The following POC1A variants were observed in gnomAD, a reference collection of about 807,000 sequenced individuals.
POC1A encodes the protein POC1 centriolar protein homolog A.
In POC1A, 34 loss-of-function variants were observed where a neutral mutation model predicts 47.8. That is an observed-to-expected ratio of 0.71 (90% CI 0.54 to 0.95). The LOEUF is 0.95. Ranked by LOEUF, POC1A falls within the 40% of genes least tolerant of loss-of-function variation. POC1A has a pLI of 0.00. For missense variants in POC1A, 466 were observed against 528.3 expected (o/e 0.88, Z 1.16); for synonymous variants, 177 against 207.6 (o/e 0.85, Z 1.27).
Position 52,149,321 on chromosome 3 carries a change from C to T in POC1A, c.344G>A (p.Gly115Asp). ...TVRSVHFCSD[G>D]QSFVTASDDK... ...GTCAGAGGCTGTCACGAAGGACTGGCCATCACTGCAGAAGTGGACACTCCT... is the reference window on the plus strand; with the variant it reads ...GTCAGAGGCTGTCACGAAGGACTGGTCATCACTGCAGAAGTGGACACTCCT... Residue 115 changes from glycine (G) to aspartate (D), a missense_variant, in exon 4 of 11, where the codon GGC (glycine) becomes GAC (aspartate). Gly to Asp is a moderately conservative substitution (Grantham distance 94). Coordinates refer to ENST00000296484, the MANE Select transcript of POC1A (RefSeq NM_015426.5). 1 of 1,614,122 alleles carries T rather than the reference C, an allele frequency of 6.2e-7. No individual in the cohort carries two copies. Among genetic ancestry groups the T allele is most frequent in the Non-Finnish European group, 8.5e-7 (1 of 1,179,994 alleles).
intron 7 of POC1A, 95 bp from the exon 8 acceptor site, chr3:52,125,276 G>T: frequency 4.7e-6 from 5 of 1,055,344 alleles, no homozygotes; most frequent in Non-Finnish European, 7.2e-6. Flanking sequence ...GAAAGCAGCA[G>T]CAGGATAAAG....
intron 9 of POC1A, among the ~76,000 whole-genome samples, chr3:52,108,898 C>G (rs1182837715): frequency 6.6e-6 from 1 of 152,238 alleles, no homozygotes; most frequent in African/African-American, 2.4e-5. Context: ...CCAGTGCCCC[C>G]CAGCGGATGC....
In POC1A at chr3:52,154,384, C is replaced by A; in HGVS notation, c.-12G>T. 2.7e-6 allele frequency: 4 copies of A among 1,474,798 alleles called. No individual in the cohort carries two copies. Among genetic ancestry groups the A allele is most frequent in the South Asian group, 2.6e-5 (2 of 77,172 alleles). The allele number at this position is 1,474,798 out of a possible 1,614,324, so 91.4% of individuals were successfully genotyped here. The stretch of plus-strand genomic sequence containing the variant: ...CAGGGCGCAGCCATGGCGGGGCTGG[C>A]GGCGCCGAAGGCAGCTGCGGTGGCC... On this transcript the variant is annotated 5_prime_UTR_variant, in exon 1 of 11. Transcript: ENST00000296484.
intron 10 of POC1A, among the ~76,000 whole-genome samples, chr3:52,091,080 C>T (rs1014795590): frequency 2.0e-5 from 3 of 152,178 alleles, no homozygotes; most frequent in Non-Finnish European, 2.9e-5. Context: ...TGGGGTCAAG[C>T]CAACTTTCTC....
intron 9 of POC1A, among the ~76,000 whole-genome samples, chr3:52,110,274 G>A (rs184138981): frequency 6.6e-6 from 1 of 152,168 alleles, no homozygotes; most frequent in Non-Finnish European, 1.5e-5. Context: ...CTCCAGGTAG[G>A]AGAGTGCTCC....
chr3:52,100,709 C>T (rs892798120), intron 9 of POC1A, among the ~76,000 whole-genome samples: 7 of 152,048 alleles, frequency 4.6e-5, no homozygotes, highest in Non-Finnish European at 7.3e-5. Flanking sequence ...AGAGCTTGCA[C>T]CCATGCACAG....
chr3:52,100,341 C>A (rs906886542), intron 9 of POC1A, among the ~76,000 whole-genome samples: 8 of 152,154 alleles, frequency 5.3e-5, no homozygotes, highest in African/African-American at 1.9e-4. Flanking sequence ...CCGTGATCTC[C>A]CTCTTCCATC....
chr3:52,122,154 G>A (rs142819262), intron 9 of POC1A, among the ~76,000 whole-genome samples: 209 of 152,340 alleles, frequency 1.4e-3, no homozygotes, highest in Middle Eastern at 0.01. Context: ...TGGGGCACCC[G>A]GCAGCTTGCT....
intron 10 of POC1A, among the ~76,000 whole-genome samples, chr3:52,094,424 A>G (rs536758198): frequency 1.1e-4 from 16 of 152,324 alleles, no homozygotes; most frequent in African/African-American, 3.8e-4. Context: ...ATGCCAAGAG[A>G]AAGGCACAGG....
intron 10 of POC1A, among the ~76,000 whole-genome samples, chr3:52,077,055 G>A (rs983622106): frequency 7.2e-5 from 11 of 152,260 alleles, no homozygotes; most frequent in South Asian, 2.1e-4. Context: ...TCACTTGCGC[G>A]GGTTGGACCA....
rs144887181 is a variant in POC1A at position 52,147,518 on chromosome 3, C to G, written c.456-423G>C. On this transcript the variant is annotated intron_variant, in intron 4 of 10. Transcript: ENST00000296484. Reference sequence around the variant, plus strand: ...GTGTGATCTCAGCTCACTGCAGCCTCTACCTCCTGGGCTCAAGAGATCCTC... The same window carrying G: ...GTGTGATCTCAGCTCACTGCAGCCTGTACCTCCTGGGCTCAAGAGATCCTC... Among the ~76,000 whole-genome samples the G allele has an allele frequency of 6.9e-3, 1,045 of 152,226 alleles. 15 individuals carry two copies. The highest frequency in any genetic ancestry group is 0.024 in the African/African-American group (995 of 41,508).
At position 52,080,595 on chromosome 3, in the gene POC1A, A is replaced by C. The variant is rs143978762; in HGVS notation, c.1126-4610T>G. ...GGTTTGGAATTATTACAAAGGTCAT[A>C]AGGATAATTCATGTGAGCCATGAAA... On this transcript the variant is annotated intron_variant, in intron 10 of 10. Transcript: ENST00000296484. Among the ~76,000 whole-genome samples the C allele has an allele frequency of 1.8e-3, 281 of 152,310 alleles. 2 individuals carry two copies. The highest frequency in any genetic ancestry group is 6.4e-3 in the African/African-American group (266 of 41,556).
At chr3:52,101,219 G>T (rs531705456) in intron 9 of POC1A, among the ~76,000 whole-genome samples, 4 of 152,158 alleles carry the variant, frequency 2.6e-5, no homozygotes, top group African/African-American at 9.6e-5. Flanking sequence ...TGGCTGAAAG[G>T]TGAGAGTGAG....
chr3:52,096,928 C>G (rs893460308), intron 9 of POC1A, among the ~76,000 whole-genome samples: 1 of 152,212 alleles, frequency 6.6e-6, no homozygotes, highest in Non-Finnish European at 1.5e-5. Flanking sequence ...GGAGTGGAAT[C>G]AGAATGCCTT....
Position 52,125,039 on chromosome 3 carries a change from A to G in POC1A, c.882+74T>C, listed in dbSNP as rs971722200. On this transcript the variant is annotated intron_variant, in intron 8 of 10. Transcript: ENST00000296484. ...GCGAAACCCAGCCCATCCCCCAAAC[A>G]CCCTGTTTGGTTCTGAGCAGAAATC... 5.0e-6 allele frequency: 6 copies of G among 1,193,534 alleles called. No homozygotes were observed. In the African/African-American group the frequency reaches 9.2e-5, roughly 18 times the overall value. The allele number at this position is 1,193,534 out of a possible 1,614,324, so 73.9% of individuals were successfully genotyped here.
chr3:52,099,993 G>GA (rs779599131), intron 9 of POC1A, among the ~76,000 whole-genome samples: 1 of 152,212 alleles, frequency 6.6e-6, no homozygotes, highest in Non-Finnish European at 1.5e-5. Flanking sequence ...TGACTCTCAA[G>GA]AGATGGCTCT....
chr3:52,110,959 G>A (rs1559826381), intron 9 of POC1A, among the ~76,000 whole-genome samples: 1 of 152,184 alleles, frequency 6.6e-6, no homozygotes, highest in Non-Finnish European at 1.5e-5. Flanking sequence ...GAGTGTGTGT[G>A]CCTGGGTTTA....
chr3:52,149,715 C>CACTGTGACCAGTCCAGAGCCAAGCT, intron 3 of POC1A, 101 bp downstream of exon 3: 2 of 1,128,290 alleles, frequency 1.8e-6, no homozygotes, highest in South Asian at 2.9e-5. Context: ...GTAGAAGTCC[C>CACTGTGACCAGTCCAGAGCCAAGCT]ACTGTGACCA....
intron 9 of POC1A, among the ~76,000 whole-genome samples, chr3:52,106,407 C>T (rs1420017913): frequency 6.6e-6 from 1 of 152,182 alleles, no homozygotes; most frequent in African/African-American, 2.4e-5. Context: ...CCTGTAGTCC[C>T]AGCTACTCAT....
Sources: gnomAD v4.1 joint callset for allele counts (sites outside exome capture counted in the v4.1 genomes callset) on GRCh38, gnomAD v4.1.1 for gene constraint, MANE v1.5 for transcripts, NCBI Gene and HGNC (gene_info 2026-07-23, HGNC 2026-07-21) for gene names.